Variants in ELOVL2 observed in about 807,000 individuals in gnomAD.
ELOVL2 encodes the protein very long chain fatty acid elongase 2.
In ELOVL2, 38 loss-of-function variants were observed where a neutral mutation model predicts 37.7. The observed-to-expected ratio is 1.01, with a 90% confidence interval of 0.78 to 1.32. The LOEUF is 1.32. Ranked by LOEUF, ELOVL2 falls within the 40% of genes most tolerant of loss-of-function variation. The pLI, the probability that ELOVL2 is intolerant of heterozygous loss-of-function variation, is 0.00. For missense variants in ELOVL2, 352 were observed against 363.6 expected, an observed-to-expected ratio of 0.97 and a Z score of 0.26; for synonymous variants, 115 against 122.3, an observed-to-expected ratio of 0.94 and a Z score of 0.40.
At chr6:10,989,864 G>C (rs1329477935) in intron 6 of ELOVL2, 27 bp from the exon 7 acceptor site, 5 of 1,613,518 alleles carry the variant, frequency 3.1e-6, no homozygotes. Context: ...GGGCATCTCT[G>C]TGAGCGAGCC....
At chr6:11,024,975 T>C (rs893618788) in intron 1 of ELOVL2, among the ~76,000 whole-genome samples, 8 of 152,210 alleles carry the variant, frequency 5.3e-5, no homozygotes, top group African/African-American at 1.7e-4. Context: ...AGAGAAGGGA[T>C]AGATTACCGC....
intron 7 of ELOVL2, 53 bp downstream of exon 7, chr6:10,989,650 A>AC: frequency 6.3e-7 from 1 of 1,578,908 alleles, no homozygotes; most frequent in Non-Finnish European, 8.6e-7. Context: ...CAAAAAAAAA[A>AC]AAATAGTGCC....
At chr6:10,984,865 G>T (rs2113460566) in intron 7 of ELOVL2, among the ~76,000 whole-genome samples, 1 of 152,102 alleles carries the variant, frequency 6.6e-6, no homozygotes, top group South Asian at 2.1e-4. Flanking sequence ...TAGTCCTTTG[G>T]GTATATACCC....
At position 10,989,837 on chromosome 6, in the gene ELOVL2, C is replaced by T. The variant is rs1227803349; in HGVS notation, c.631G>A (p.Val211Met). The T allele has an allele frequency of 3.7e-6, 6 of 1,613,910 alleles. No homozygotes were observed. The highest frequency in any genetic ancestry group is 1.1e-5 in the South Asian group (1 of 91,072). The change falls in exon 7 of 8, where the codon GTG becomes ATG. Residue 211 changes from valine (V) to methionine (M), a missense_variant and splice_region_variant. Physicochemically the swap from Val to Met is conservative, Grantham distance 21. Transcript: ENST00000354666. ...TGCGTGATGGTGAGCACGAACTGCA[C>T]CTGGGGACGGCAGAGAGGGCATCTC... Reference protein sequence around the residue: ...WKKYLTQAQLVQFVLTITHTM... With the variant: ...WKKYLTQAQLMQFVLTITHTM...
intron 7 of ELOVL2, among the ~76,000 whole-genome samples, chr6:10,985,118 T>C (rs1041996060): frequency 6.6e-6 from 1 of 152,218 alleles, no homozygotes; most frequent in Non-Finnish European, 1.5e-5. Flanking sequence ...TGGCCAGTGA[T>C]GGTGAGCATT....
chr6:11,012,796 T>G (rs1375771967), intron 1 of ELOVL2, among the ~76,000 whole-genome samples: 1 of 152,196 alleles, frequency 6.6e-6, no homozygotes, highest in Non-Finnish European at 1.5e-5. Flanking sequence ...GAGGATTTTA[T>G]ATACTAGCAC....
intron 1 of ELOVL2, among the ~76,000 whole-genome samples, chr6:11,016,866 G>A (rs1405984064): frequency 1.3e-5 from 2 of 152,190 alleles, no homozygotes; most frequent in South Asian, 2.1e-4. Flanking sequence ...TTTGGCTGTC[G>A]TGCAGCTGAC....
At chr6:11,033,404 G>A (rs1441645698) in intron 1 of ELOVL2, among the ~76,000 whole-genome samples, 2 of 152,162 alleles carry the variant, frequency 1.3e-5, no homozygotes, top group African/African-American at 2.4e-5. Flanking sequence ...GTACAACAGA[G>A]GATGAAAGAT....
rs371798619 is a variant in ELOVL2, at chr6:10,990,458, A to G, written c.506-16T>C. 9 of 1,564,842 alleles carry G rather than the reference A, an allele frequency of 5.8e-6. No individual in the cohort carries two copies. The highest frequency in any genetic ancestry group is 7.7e-6 in the Non-Finnish European group (9 of 1,163,166). ...CCAAAGAAACCTATAAAAGTACAGT[A>G]TAAAAATCACTATTCTTCCAGGAAG... On this transcript the variant is annotated splice_polypyrimidine_tract_variant and intron_variant, in intron 5 of 7. Transcript: ENST00000354666.
At chr6:10,992,778 C>T (rs148059035) in intron 5 of ELOVL2, among the ~76,000 whole-genome samples, 2,427 of 141,758 alleles carry the variant, frequency 0.017, 58 homozygotes, top group African/African-American at 0.061. Context: ...CAGGGCGGGA[C>T]TCCATCTCAA....
intron 5 of ELOVL2, among the ~76,000 whole-genome samples, chr6:10,993,204 C>T (rs1232598988): frequency 6.6e-6 from 1 of 152,162 alleles, no homozygotes; most frequent in Non-Finnish European, 1.5e-5. Context: ...AAATAGGTAA[C>T]TTGAAAAAGT....
Position 11,005,480 on chromosome 6 carries a change from T to C in ELOVL2, c.147A>G (p.Ile49Met). ...FFLTVMYLLS[I>M]WLGNKYMKNR... ...TCTTCATATACTTGTTACCCAGCCATATTGAGAGCAGATACATGACAGTAA... is the reference window on the plus strand; with the variant it reads ...TCTTCATATACTTGTTACCCAGCCACATTGAGAGCAGATACATGACAGTAA... Residue 49 changes from isoleucine to methionine, a missense_variant, in exon 3 of 8, where the codon ATA becomes ATG. Physicochemically the swap from Ile to Met is conservative, Grantham distance 10. Transcript: ENST00000354666. The C allele has an allele frequency of 6.2e-7, 1 of 1,614,062 alleles. No homozygotes were observed. Among genetic ancestry groups the C allele is most frequent in the East Asian group, 2.2e-5 (1 of 44,886 alleles).
In ELOVL2 at chr6:10,982,288, G is replaced by A. The variant is rs2113453706; in HGVS notation, c.*1493C>T. 6.6e-6 allele frequency: 1 copy of A among 152,086 alleles called. No homozygotes were observed. Among genetic ancestry groups the A allele is most frequent in the South Asian group, 2.1e-4 (1 of 4,806 alleles). The allele number at this position is 152,086 out of a possible 1,614,324, so 9.4% of individuals were successfully genotyped here. Reference sequence around the variant, plus strand: ...GAGAAAGTTTAAAACTAGAGCTCAGGGGGGAAAAAAAGCCGAGAGAGAAAG... The same window carrying A: ...GAGAAAGTTTAAAACTAGAGCTCAGAGGGGAAAAAAAGCCGAGAGAGAAAG... On this transcript the variant is annotated 3_prime_UTR_variant, in exon 8 of 8. Coordinates refer to ENST00000354666, the MANE Select transcript of ELOVL2 (RefSeq NM_017770.4).
intron 3 of ELOVL2, 69 bp from the exon 4 acceptor site, chr6:11,000,233 CCATT>C: frequency 7.2e-7 from 1 of 1,388,100 alleles, no homozygotes; most frequent in Non-Finnish European, 1.0e-6. Flanking sequence ...ACTGAATTTC[CCATT>C]CATGTCTCTG....
intron 7 of ELOVL2, 63 bp downstream of exon 7, chr6:10,989,640 C>CA (rs5874298): frequency 0.24 from 310,262 of 1,309,290 alleles, 4,049 homozygotes; most frequent in East Asian, 0.37. Flanking sequence ...ACTCTGTCTC[C>CA]AAAAAAAAAA....
chr6:11,032,077 C>G (rs1156724264), intron 1 of ELOVL2, among the ~76,000 whole-genome samples: 2 of 152,092 alleles, frequency 1.3e-5, no homozygotes, highest in African/African-American at 4.8e-5. Context: ...AACTAAAAGT[C>G]AAAGACTTGG....
chr6:10,992,766 G>A (rs1018939860), intron 5 of ELOVL2, among the ~76,000 whole-genome samples: 22 of 146,126 alleles, frequency 1.5e-4, no homozygotes, highest in African/African-American at 2.8e-4. Flanking sequence ...CCAGCCTGGC[G>A]ACAGGGCGGG....
At chr6:10,992,795 C>CAA (rs1782187962) in intron 5 of ELOVL2, among the ~76,000 whole-genome samples, 1 of 115,470 alleles carries the variant, frequency 8.7e-6, no homozygotes, top group African/African-American at 3.6e-5. Context: ...TCAAAAAAAA[C>CAA]AAAACAAAAA....
At position 11,044,115 on chromosome 6, in the gene ELOVL2, G is replaced by T; in HGVS notation, c.3+113C>A. ...CCTCCGAGGGTAGCGGGTTCCAGCG[G>T]CGAACCCGCAGCGCCCGCGCCGGCG... On this transcript the variant is annotated intron_variant, in intron 1 of 7. Coordinates refer to ENST00000354666, the MANE Select transcript of ELOVL2 (RefSeq NM_017770.4). The surrounding 1 kb of genome is among the most constrained non-coding windows in gnomAD (Gnocchi z 5.6). 7.8e-7 allele frequency: 1 copy of T among 1,285,678 alleles called. No individual in the cohort carries two copies. The highest frequency in any genetic ancestry group is 1.0e-6 in the Non-Finnish European group (1 of 995,498). The allele number at this position is 1,285,678 out of a possible 1,614,324, so 79.6% of individuals were successfully genotyped here.
Sources: allele counts gnomAD v4.1 joint callset (sites outside exome capture counted in the v4.1 genomes callset), GRCh38; gene constraint gnomAD v4.1.1; non-coding constraint Gnocchi (gnomAD v3.1); transcripts MANE v1.5; gene names NCBI Gene and HGNC (gene_info 2026-07-23, HGNC 2026-07-21).